The following PRLR variants were observed in gnomAD, a reference collection of about 807,000 sequenced individuals.
PRLR encodes prolactin receptor, also known as hPRL receptor.
Under a neutral mutation model 40.2 loss-of-function variants are expected in PRLR, and 13 were observed. That is an observed-to-expected ratio of 0.32 (90% confidence interval 0.21 to 0.51). The LOEUF (loss-of-function observed/expected upper bound fraction) is 0.51. PRLR is among the 20% of genes least tolerant of loss of function. The pLI, the probability that PRLR is intolerant of heterozygous loss-of-function variation, is 0.97. For synonymous variants in PRLR, 269 were observed against 278.7 expected, an observed-to-expected ratio of 0.97 and a Z score of 0.35; for missense variants, 656 against 747.3, an observed-to-expected ratio of 0.88 and a Z score of 1.42.
intron 1 of PRLR, among the ~76,000 whole-genome samples, chr5:35,172,748 G>C (rs1775038754): frequency 6.6e-6 from 1 of 152,178 alleles, no homozygotes; most frequent in Non-Finnish European, 1.5e-5. Context: ...ACCAGGCCAT[G>C]CTACCTCTGA....
At chr5:35,217,546 G>A (rs952552108) in intron 1 of PRLR, among the ~76,000 whole-genome samples, 6 of 152,110 alleles carry the variant, frequency 3.9e-5, no homozygotes, top group African/African-American at 9.7e-5. Context: ...TGTAGGCTCC[G>A]GCTTCACACA....
intron 5 of PRLR, among the ~76,000 whole-genome samples, chr5:35,077,176 A>G (rs192316605): frequency 2.0e-5 from 3 of 152,318 alleles, no homozygotes; most frequent in East Asian, 3.9e-4. Flanking sequence ...TAATGACAGG[A>G]TCAAATTCAC....
rs143221151 is a variant in PRLR at position 35,061,815 on chromosome 5, G to A, written c.*3274C>T. 13 of 152,078 alleles carry A rather than the reference G, an allele frequency of 8.5e-5. No individual in the cohort carries two copies. The highest frequency in any genetic ancestry group is 1.8e-4 in the Non-Finnish European group (12 of 68,024). The allele number at this position is 152,078 out of a possible 1,614,324, so 9.4% of individuals were successfully genotyped here. On this transcript the variant is annotated 3_prime_UTR_variant, in exon 10 of 10. Coordinates refer to ENST00000618457, the MANE Select transcript of PRLR (RefSeq NM_000949.7). Reference sequence around the variant, plus strand: ...GAGTGTAAGGATACATGAGCCAACTGTGCAATGGTTGTTAACAATCTAGGA... The same window carrying A: ...GAGTGTAAGGATACATGAGCCAACTATGCAATGGTTGTTAACAATCTAGGA...
rs201487213 is a variant in PRLR at position 35,068,212 on chromosome 5, T to A, written c.855+4A>T. The stretch of plus-strand genomic sequence containing the variant: ...CACTCCATTTTTTTGCCTCCTGTAC[T>A]TACCTCCAACAGATGAGCATCAAAT... On this transcript the variant is annotated splice_donor_region_variant and intron_variant, in intron 9 of 9. Transcript: ENST00000618457. 3.7e-5 allele frequency: 59 copies of A among 1,609,364 alleles called. No homozygotes were observed. The highest frequency in any genetic ancestry group is 3.3e-4 in the Middle Eastern group (2 of 6,072).
downstream of PRLR, among the ~76,000 whole-genome samples, chr5:35,055,439 T>C (rs1768660726): frequency 1.3e-5 from 2 of 152,058 alleles, no homozygotes; most frequent in African/African-American, 2.4e-5. Context: ...TTAGAATTAG[T>C]AGGAAAATAA....
intron 1 of PRLR, among the ~76,000 whole-genome samples, chr5:35,164,093 AT>A (rs1287532663): frequency 6.6e-6 from 1 of 152,196 alleles, no homozygotes; most frequent in Non-Finnish European, 1.5e-5. Flanking sequence ...CAGTCACGTC[AT>A]TTTTGCTTGG....
chr5:35,119,591 T>C (rs1773208353), intron 1 of PRLR, among the ~76,000 whole-genome samples: 2 of 152,194 alleles, frequency 1.3e-5, no homozygotes, highest in South Asian at 4.1e-4. Flanking sequence ...GGGGCACGTT[T>C]CTTAGGAGCC....
At chr5:35,168,810 C>T (rs781351107) in intron 1 of PRLR, among the ~76,000 whole-genome samples, 3 of 152,022 alleles carry the variant, frequency 2.0e-5, no homozygotes, top group African/African-American at 4.8e-5. Flanking sequence ...TCACATACTG[C>T]GAGTTGATAA....
At chr5:35,215,737 T>G (rs1776268968) in intron 1 of PRLR, among the ~76,000 whole-genome samples, 1 of 151,742 alleles carries the variant, frequency 6.6e-6, no homozygotes, top group African/African-American at 2.4e-5. Flanking sequence ...CCATTGCTAT[T>G]TAGAAATAGA....
intron 1 of PRLR, among the ~76,000 whole-genome samples, chr5:35,213,789 G>A (rs1248263449): frequency 1.3e-5 from 2 of 152,142 alleles, no homozygotes; most frequent in African/African-American, 2.4e-5. Context: ...GGCCTTCCAA[G>A]TGGTTTAGTG....
In PRLR at chr5:35,136,668, C is replaced by T. The variant is rs150722596; in HGVS notation, c.-105-18546G>A. On this transcript the variant is annotated intron_variant, in intron 1 of 9. Transcript: ENST00000618457. ...TGAGAGGCCCAGTTCCTATTCGTTT[C>T]CTGTCTCTGCTACTGACTACCTCCG... Among the ~76,000 whole-genome samples the T allele has an allele frequency of 2.2e-3, 339 of 152,244 alleles. 3 individuals carry two copies. Among genetic ancestry groups the T allele is most frequent in the Middle Eastern group, 6.8e-3 (2 of 294 alleles).
At chr5:35,083,561 C>A (rs1579606289) in intron 5 of PRLR, among the ~76,000 whole-genome samples, 1 of 150,188 alleles carries the variant, frequency 6.7e-6, no homozygotes, top group African/African-American at 2.5e-5. Context: ...GCTCTGTGGC[C>A]CAGGCTGGAG....
At chr5:35,115,216 C>T (rs143041561) in intron 2 of PRLR, among the ~76,000 whole-genome samples, 2 of 152,258 alleles carry the variant, frequency 1.3e-5, no homozygotes, top group East Asian at 1.9e-4. Flanking sequence ...TCAGACAGTA[C>T]AGGTCTAGAG....
intron 1 of PRLR, among the ~76,000 whole-genome samples, chr5:35,138,781 A>G (rs1237723324): frequency 1.3e-5 from 2 of 152,180 alleles, no homozygotes; most frequent in Non-Finnish European, 2.9e-5. Flanking sequence ...ACTGTTGGAG[A>G]TTACTTTATT....
At chr5:35,196,720 C>A (rs1158032692) in intron 1 of PRLR, among the ~76,000 whole-genome samples, 2 of 152,226 alleles carry the variant, frequency 1.3e-5, no homozygotes, top group Non-Finnish European at 2.9e-5. Context: ...GAAGGCTAAT[C>A]AAGACCTTCC....
intron 1 of PRLR, among the ~76,000 whole-genome samples, chr5:35,175,070 TAAATGGATGGAC>T (rs1472312438): frequency 6.6e-6 from 1 of 152,170 alleles, no homozygotes; most frequent in Admixed American, 6.6e-5. Flanking sequence ...CAATTAAAGA[TAAATGGATGGAC>T]AGATGGATGG....
At chr5:35,083,602 C>T (rs189657640) in intron 5 of PRLR, among the ~76,000 whole-genome samples, 89 of 151,688 alleles carry the variant, frequency 5.9e-4, no homozygotes, top group African/African-American at 2.1e-3. Context: ...TCACTGCAAC[C>T]TCCACCTCCT....
chr5:35,093,576 G>C lies in PRLR; in HGVS notation c.-43-3913C>G, dbSNP rs184642276. On this transcript the variant is annotated intron_variant, in intron 2 of 9. Transcript: ENST00000618457. The stretch of plus-strand genomic sequence containing the variant: ...GAAATGGACCTACCATTAGGGTCCA[G>C]AAATGGACCCTGCCATCCCTGTTAG... Among the ~76,000 whole-genome samples, 24 of 152,328 alleles carry C rather than the reference G, an allele frequency of 1.6e-4. No individual in the cohort carries two copies. The East Asian group carries it at 4.2e-3, about 27-fold the overall frequency.
intron 7 of PRLR, 142 bp from the exon 8 acceptor site, chr5:35,069,020 A>T: frequency 1.7e-6 from 1 of 580,938 alleles, no homozygotes; most frequent in South Asian, 2.7e-5. Context: ...CCAAAGTATC[A>T]TCAATGACAG....
Sources: allele counts gnomAD v4.1 joint callset (sites outside exome capture counted in the v4.1 genomes callset), GRCh38; gene constraint gnomAD v4.1.1; transcripts MANE v1.5; gene names NCBI Gene and HGNC (gene_info 2026-07-23, HGNC 2026-07-21).